PRDM6: variants seen among roughly 807,000 people sequenced by gnomAD.
PRDM6 encodes the protein PR/SET domain 6, also known as putative histone-lysine N-methyltransferase PRDM6.
PRDM6 carries 25 observed loss-of-function variants against 60.8 expected under a neutral mutation model. The ratio of observed to expected loss-of-function variants is 0.41; its 90% CI spans 0.30 to 0.57. The LOEUF (loss-of-function observed/expected upper bound fraction) is 0.57, where lower values mean the gene tolerates loss of function less well. PRDM6 is among the 20% of genes least tolerant of loss of function. The pLI is 0.27. For missense variants in PRDM6, 839 were observed against 821.3 expected (o/e 1.02, Z -0.26); for synonymous variants, 407 against 357.4 (o/e 1.14, Z -1.57).
chr5:123,100,077 TGGCC>T, intron 3 of PRDM6, 116 bp downstream of exon 3: 1 of 1,115,428 alleles, frequency 9.0e-7, no homozygotes, highest in Non-Finnish European at 1.2e-6. Flanking sequence ...GAGCCTCCCT[TGGCC>T]CCCAGAGGGT....
intron 7 of PRDM6, among the ~76,000 whole-genome samples, chr5:123,181,243 C>A (rs527448298): frequency 2.7e-4 from 41 of 152,266 alleles, no homozygotes; most frequent in African/African-American, 9.6e-4. Flanking sequence ...TCTTTGAAAA[C>A]CTCATAGTCT....
chr5:123,191,616 T>A lies in PRDM6; in HGVS notation c.*4415T>A, dbSNP rs909036474. 5 of 152,228 alleles carry A rather than the reference T, an allele frequency of 3.3e-5. No individual in the cohort carries two copies. Among genetic ancestry groups the A allele is most frequent in the Admixed American group, 2.6e-4 (4 of 15,276 alleles). 9.4% of individuals were successfully genotyped at this position (152,228 alleles called of 1,614,324 possible). ...TAACTGTAAGTTCCAGAAATGTTAT[T>A]CACTTGTCAGGATCCTTTTAAGGTG... On this transcript the variant is annotated 3_prime_UTR_variant, in exon 8 of 8. Coordinates refer to ENST00000407847, the MANE Select transcript of PRDM6 (RefSeq NM_001136239.4).
intron 3 of PRDM6, among the ~76,000 whole-genome samples, chr5:123,118,611 T>C (rs952205688): frequency 3.9e-5 from 6 of 152,214 alleles, no homozygotes; most frequent in African/African-American, 1.4e-4. Flanking sequence ...TGAATTTCAA[T>C]GACCAAAGCA....
At chr5:123,169,796 C>T (rs1160280665) in intron 5 of PRDM6, among the ~76,000 whole-genome samples, 1 of 152,160 alleles carries the variant, frequency 6.6e-6, no homozygotes, top group East Asian at 1.9e-4. Context: ...GTACCACTGT[C>T]CTCATTTTAT....
At chr5:123,100,286 T>G (rs1764071004) in intron 3 of PRDM6, among the ~76,000 whole-genome samples, 2 of 152,164 alleles carry the variant, frequency 1.3e-5, no homozygotes. Context: ...CTGTGAATTT[T>G]GAGAAAAAGA....
Position 123,190,758 on chromosome 5 carries a change from T to C in PRDM6, c.*3557T>C, listed in dbSNP as rs1766415919. On this transcript the variant is annotated 3_prime_UTR_variant, in exon 8 of 8. Coordinates refer to ENST00000407847, the MANE Select transcript of PRDM6 (RefSeq NM_001136239.4). ...CATTCATTTATTCAACAAGTATTTA[T>C]TGAACTCTTATTTTATATAAAGACC... 6.6e-6 allele frequency: 1 copy of C among 152,216 alleles called. No individual in the cohort carries two copies. Among genetic ancestry groups the C allele is most frequent in the Non-Finnish European group, 1.5e-5 (1 of 68,028 alleles). 9.4% of individuals were successfully genotyped at this position (152,216 alleles called of 1,614,324 possible).
intron 6 of PRDM6, among the ~76,000 whole-genome samples, chr5:123,179,288 T>G (rs1159149674): frequency 1.3e-5 from 2 of 152,240 alleles, no homozygotes; most frequent in African/African-American, 4.8e-5. Flanking sequence ...TGCTTTTGCA[T>G]CAGAATCATC....
At chr5:123,186,586 CT>C (rs1177853488) in intron 7 of PRDM6, among the ~76,000 whole-genome samples, 1 of 152,200 alleles carries the variant, frequency 6.6e-6, no homozygotes, top group East Asian at 1.9e-4. Context: ...CCTACTGCCC[CT>C]CACAGTCACT....
intron 3 of PRDM6, among the ~76,000 whole-genome samples, chr5:123,113,104 T>C (rs554722485): frequency 2.1e-4 from 32 of 152,292 alleles, no homozygotes; most frequent in Non-Finnish European, 4.0e-4. Flanking sequence ...CCTTCCCCAC[T>C]AGTTTTTTTT....
chr5:123,091,046 C>A (rs1056552193), intron 2 of PRDM6, among the ~76,000 whole-genome samples: 1 of 152,146 alleles, frequency 6.6e-6, no homozygotes, highest in African/African-American at 2.4e-5. Flanking sequence ...CTGGGGAGCA[C>A]GCAGACCAGG....
At chr5:123,185,420 G>T (rs1374234133) in intron 7 of PRDM6, among the ~76,000 whole-genome samples, 1 of 152,098 alleles carries the variant, frequency 6.6e-6, no homozygotes, top group Non-Finnish European at 1.5e-5. Flanking sequence ...ACAATCAGCA[G>T]TTCGCTAACG....
intron 4 of PRDM6, 54 bp from the exon 5 acceptor site, chr5:123,159,460 G>A: frequency 6.6e-7 from 1 of 1,523,632 alleles, no homozygotes; most frequent in South Asian, 1.3e-5. Flanking sequence ...AATATGGATG[G>A]GGGCACATGA....
intron 5 of PRDM6, among the ~76,000 whole-genome samples, chr5:123,166,873 T>C (rs463106): frequency 0.48 from 73,131 of 152,006 alleles, 17,649 homozygotes; most frequent in East Asian, 0.61. Context: ...TCCCCTTAAT[T>C]TTTGCGTTTC....
rs759225954 is a variant in PRDM6 at position 123,155,262 on chromosome 5, C to CTTT, written c.901-602_901-600dup. On this transcript the variant is annotated intron_variant, in intron 3 of 7. Transcript: ENST00000407847. The stretch of plus-strand genomic sequence containing the variant: ...TTTCTTTCCTTTTTTGAGGGTCTCT[C>CTTT]TTTTTTTTTTTTTTTTTTTTTTAAT... Among the ~76,000 whole-genome samples, 565 of 92,648 alleles carry CTTT rather than the reference C, an allele frequency of 6.1e-3. 9 individuals are homozygous for CTTT. Among genetic ancestry groups the CTTT allele is most frequent in the East Asian group, 0.011 (26 of 2,404 alleles). 60.8% of individuals were successfully genotyped at this position (92,648 alleles called of 152,430 possible).
At chr5:123,091,950 A>C (rs964903179) in intron 2 of PRDM6, among the ~76,000 whole-genome samples, 3 of 151,116 alleles carry the variant, frequency 2.0e-5, no homozygotes, top group East Asian at 1.9e-4. Flanking sequence ...GAAAAAAAAA[A>C]CACTGGGCAA....
intron 3 of PRDM6, among the ~76,000 whole-genome samples, chr5:123,138,833 C>G (rs929403570): frequency 6.6e-6 from 1 of 152,152 alleles, no homozygotes; most frequent in African/African-American, 2.4e-5. Flanking sequence ...CTTCCTTAGC[C>G]TTGTTAAGCA....
chr5:123,143,301 G>A (rs574362003), intron 3 of PRDM6, among the ~76,000 whole-genome samples: 15 of 152,166 alleles, frequency 9.9e-5, no homozygotes, highest in Middle Eastern at 3.4e-3. Flanking sequence ...TTGTAGCCCT[G>A]CCTGAAGCTT....
At chr5:123,164,971 G>A (rs1765722130) in intron 5 of PRDM6, among the ~76,000 whole-genome samples, 1 of 152,064 alleles carries the variant, frequency 6.6e-6, no homozygotes, top group African/African-American at 2.4e-5. Flanking sequence ...AACCCTAAAG[G>A]ACATTCATTC....
At chr5:123,157,551 A>G (rs1765531006) in intron 4 of PRDM6, among the ~76,000 whole-genome samples, 1 of 152,316 alleles carries the variant, frequency 6.6e-6, no homozygotes, top group Middle Eastern at 3.4e-3. Flanking sequence ...CGGCGCTTAC[A>G]CTATGAGCTC....
Sources: gnomAD v4.1 joint callset for allele counts (sites outside exome capture counted in the v4.1 genomes callset) on GRCh38, gnomAD v4.1.1 for gene constraint, MANE v1.5 for transcripts, NCBI Gene and HGNC (gene_info 2026-07-23, HGNC 2026-07-21) for gene names.